Variants in SIPA1L2 observed in about 807,000 individuals in gnomAD.
SIPA1L2 encodes signal-induced proliferation-associated 1-like protein 2.
In SIPA1L2, 56 loss-of-function variants were observed where a neutral mutation model predicts 163.9. That is an observed-to-expected ratio of 0.34 (90% CI 0.28 to 0.43). The LOEUF is 0.43. SIPA1L2 is among the 20% of genes least tolerant of loss of function. The pLI, the probability that SIPA1L2 is intolerant of heterozygous loss-of-function variation, is 1.00. For missense variants in SIPA1L2, 1,974 were observed against 2,193.5 expected (o/e 0.90, Z 2.00); for synonymous variants, 877 against 865.7 (o/e 1.01, Z -0.23).
upstream of SIPA1L2, among the ~76,000 whole-genome samples, chr1:232,630,146 C>T (rs1663315450): frequency 6.6e-6 from 1 of 151,388 alleles, no homozygotes. Flanking sequence ...CGCGCCGGCT[C>T]CCGATGCCAC....
intron 2 of SIPA1L2, among the ~76,000 whole-genome samples, chr1:232,569,248 C>CA (rs1659579816): frequency 6.6e-6 from 1 of 152,014 alleles, no homozygotes. Context: ...ATATAAGCAG[C>CA]AAAAAAATTG....
In SIPA1L2 at chr1:232,415,638, A is replaced by G; in HGVS notation, c.4631-13T>C. ...AACCAGAACTCATCTAAACAGAAAC[A>G]AAACCAGAGAGTCAGTCATCAGTCA... On this transcript the variant is annotated splice_polypyrimidine_tract_variant and intron_variant, in intron 18 of 22. Coordinates refer to ENST00000674635, the MANE Select transcript of SIPA1L2 (RefSeq NM_020808.5). The G allele has an allele frequency of 6.2e-7, 1 of 1,613,818 alleles. No homozygotes were observed. The highest frequency in any genetic ancestry group is 8.5e-7 in the Non-Finnish European group (1 of 1,179,894).
chr1:232,582,751 A>G lies in SIPA1L2; in HGVS notation c.-318-8529T>C, dbSNP rs532746433. Among the ~76,000 whole-genome samples, 9 of 152,312 alleles carry G rather than the reference A, an allele frequency of 5.9e-5. No individual in the cohort carries two copies. In the East Asian group the frequency reaches 1.5e-3, roughly 26 times the overall value. On this transcript the variant is annotated intron_variant, in intron 1 of 22. Coordinates refer to ENST00000674635, the MANE Select transcript of SIPA1L2 (RefSeq NM_020808.5). ...AACTGCTTTCCACACTGGGTGAACTAATCTGCATTCCCCCCAACAGTGTAT... is the reference window on the plus strand; with the variant it reads ...AACTGCTTTCCACACTGGGTGAACTGATCTGCATTCCCCCCAACAGTGTAT...
chr1:232,499,446 C>G (rs976526743), intron 3 of SIPA1L2, among the ~76,000 whole-genome samples: 8 of 152,182 alleles, frequency 5.3e-5, no homozygotes, highest in Admixed American at 2.0e-4. Flanking sequence ...TACAACACTC[C>G]CTTAAGCAAA....
chr1:232,532,661 C>T (rs1007712915), intron 2 of SIPA1L2, among the ~76,000 whole-genome samples: 1 of 152,128 alleles, frequency 6.6e-6, no homozygotes, highest in Non-Finnish European at 1.5e-5. Context: ...AAAGCACATC[C>T]CATAACACTT....
At chr1:232,448,689 T>C (rs981576289) in intron 10 of SIPA1L2, among the ~76,000 whole-genome samples, 3 of 152,196 alleles carry the variant, frequency 2.0e-5, no homozygotes, top group African/African-American at 7.2e-5. Flanking sequence ...CCACTGTCTT[T>C]GCAGAATGCC....
chr1:232,531,236 T>A (rs552551500), intron 2 of SIPA1L2, among the ~76,000 whole-genome samples: 83 of 149,642 alleles, frequency 5.5e-4, no homozygotes, highest in African/African-American at 2.0e-3. Context: ...ATTTTACCTA[T>A]CCGCCTTACC....
At chr1:232,512,323 G>C (rs989763787) in intron 3 of SIPA1L2, among the ~76,000 whole-genome samples, 1 of 152,134 alleles carries the variant, frequency 6.6e-6, no homozygotes, top group African/African-American at 2.4e-5. Flanking sequence ...GATTCCTCAA[G>C]GATCTAGAAC....
In SIPA1L2 at chr1:232,487,190, A is replaced by G. The variant is rs1391554477; in HGVS notation, c.1807-3224T>C. Reference sequence around the variant, plus strand: ...ACCCACGTCCCATTTTCTTTCTGAGACAGGATAAAAACTGGCTGCTCTATT... The same window carrying G: ...ACCCACGTCCCATTTTCTTTCTGAGGCAGGATAAAAACTGGCTGCTCTATT... On this transcript the variant is annotated intron_variant, in intron 5 of 22. Coordinates refer to ENST00000674635, the MANE Select transcript of SIPA1L2 (RefSeq NM_020808.5). 2.6e-5 allele frequency among the ~76,000 whole-genome samples: 4 copies of G among 152,232 alleles called. No individual in the cohort carries two copies. The East Asian group carries it at 7.7e-4, about 29-fold the overall frequency.
intron 17 of SIPA1L2, among the ~76,000 whole-genome samples, 183 bp from the exon 18 acceptor site, chr1:232,425,991 G>A (rs529784942): frequency 6.6e-6 from 1 of 152,280 alleles, no homozygotes; most frequent in East Asian, 1.9e-4. Flanking sequence ...GGGCTTGGGT[G>A]CAGTTATTAG....
At chr1:232,524,820 T>C (rs763752572) in intron 2 of SIPA1L2, among the ~76,000 whole-genome samples, 17 of 152,166 alleles carry the variant, frequency 1.1e-4, no homozygotes, top group Non-Finnish European at 2.1e-4. Flanking sequence ...AACACCCCCA[T>C]ATTATGATAG....
chr1:232,589,216 G>A (rs780343824), intron 1 of SIPA1L2, among the ~76,000 whole-genome samples: 5 of 152,186 alleles, frequency 3.3e-5, no homozygotes, highest in African/African-American at 4.8e-5. Context: ...AGCCAAATAC[G>A]TATTCACTGA....
intron 1 of SIPA1L2, among the ~76,000 whole-genome samples, chr1:232,615,263 G>T (rs375985472): frequency 6.6e-6 from 1 of 152,140 alleles, no homozygotes; most frequent in African/African-American, 2.4e-5. Flanking sequence ...TACTCCACAC[G>T]GTCTCCAAAG....
At chr1:232,559,953 C>A (rs1003348166) in intron 2 of SIPA1L2, among the ~76,000 whole-genome samples, 1 of 152,166 alleles carries the variant, frequency 6.6e-6, no homozygotes, top group African/African-American at 2.4e-5. Flanking sequence ...ATAATACCTA[C>A]CCATCAGCAA....
Position 232,432,263 on chromosome 1 carries a change from C to G in SIPA1L2, c.4240G>C (p.Val1414Leu). 1 of 1,613,940 alleles carries G rather than the reference C, an allele frequency of 6.2e-7. No homozygotes were observed. The highest frequency in any genetic ancestry group is 1.1e-5 in the South Asian group (1 of 91,036). Residue 1414 changes from valine to leucine, a missense_variant, in exon 16 of 23, where the codon GTG (valine) becomes CTG (leucine). Around this residue, in one of 3 missense-constraint regions of SIPA1L2, gnomAD observed 1,079 missense variants for 1,150.7 expected, o/e 0.94. Coordinates refer to ENST00000674635, the MANE Select transcript of SIPA1L2 (RefSeq NM_020808.5). ...EGSPPPEEPE[V>L]TECPGMYSEM... ...CCACCTTACCCGGGACATTCAGTCA[C>G]TTCAGGCTCCTCGGGCGGTGGGCTG...
chr1:232,546,861 C>T (rs573798534), intron 2 of SIPA1L2, among the ~76,000 whole-genome samples: 3 of 152,248 alleles, frequency 2.0e-5, no homozygotes, highest in South Asian at 2.1e-4. Flanking sequence ...CTGATCAGGA[C>T]GGTTTCTCAG....
chr1:232,587,705 T>C (rs1660743819), intron 1 of SIPA1L2, among the ~76,000 whole-genome samples: 2 of 152,170 alleles, frequency 1.3e-5, no homozygotes, highest in African/African-American at 4.8e-5. Flanking sequence ...GATGATATGA[T>C]TTGGCTGTGT....
intron 11 of SIPA1L2, 31 bp downstream of exon 11, chr1:232,445,498 G>GCC (rs35557312): frequency 1.2e-6 from 2 of 1,612,282 alleles, no homozygotes; most frequent in South Asian, 1.1e-5. Flanking sequence ...ATTTACAAGG[G>GCC]CCCCCCTTGA....
intron 2 of SIPA1L2, among the ~76,000 whole-genome samples, chr1:232,526,822 A>G (rs1227452140): frequency 1.3e-5 from 2 of 152,106 alleles, no homozygotes; most frequent in African/African-American, 4.8e-5. Context: ...GTGGATTTTT[A>G]CATCCTCTCA....
Sources: allele counts gnomAD v4.1 joint callset (sites outside exome capture counted in the v4.1 genomes callset), GRCh38; gene constraint gnomAD v4.1.1; regional missense constraint gnomAD v4.1.1; transcripts MANE v1.5; gene names NCBI Gene and HGNC (gene_info 2026-07-23, HGNC 2026-07-21).